TRMT44: variants seen among roughly 807,000 people sequenced by gnomAD.
The protein encoded by TRMT44 is probable tRNA (uracil-O(2)-)-methyltransferase.
TRMT44 carries 78 observed loss-of-function variants against 77.3 expected under a neutral mutation model. That is an observed-to-expected ratio of 1.01 (90% CI 0.84 to 1.22). The LOEUF (loss-of-function observed/expected upper bound fraction) is 1.22, where lower values mean the gene tolerates loss of function less well. TRMT44 is among the 50% of genes most tolerant of loss of function. The pLI is 0.00. For synonymous variants in TRMT44, 391 were observed against 383.3 expected (o/e 1.02, Z -0.23); for missense variants, 1,090 against 964.4 (o/e 1.13, Z -1.73).
downstream of TRMT44, chr4:8,477,072 G>T (rs1426105248): frequency 6.6e-6 from 1 of 152,216 alleles, no homozygotes; most frequent in Non-Finnish European, 1.5e-5. Flanking sequence ...TATTTCTATG[G>T]TTTTATACAA....
intron 10 of TRMT44, among the ~76,000 whole-genome samples, chr4:8,471,927 A>C (rs1727031728): frequency 6.6e-6 from 1 of 151,928 alleles, no homozygotes; most frequent in African/African-American, 2.4e-5. Flanking sequence ...CCAGGTGTGC[A>C]CAGAGGGGGC....
rs1426291965 is a variant in TRMT44, at chr4:8,475,979, C to T, written c.2252C>T (p.Thr751Ile). ...GPAELRPPRT[T>I]PRKKIS ...GCGGAGCTGCGGCCACCCCGGACCA[C>T]CCCGAGGAAGAAGATTTCATGAGCT... Residue 751 changes from threonine (T) to isoleucine (I), a missense_variant, in exon 11 of 11, where the codon ACC (threonine) becomes ATC (isoleucine). Physicochemically the swap from Thr to Ile is moderately conservative, Grantham distance 89. Coordinates refer to ENST00000389737, the MANE Select transcript of TRMT44 (RefSeq NM_152544.3). The T allele has an allele frequency of 1.9e-6, 3 of 1,613,952 alleles. No homozygotes were observed. The highest frequency in any genetic ancestry group is 1.7e-6 in the Non-Finnish European group (2 of 1,180,004).
chr4:8,490,215 T>G (rs897086246), intron 2 of TRMT44, among the ~76,000 whole-genome samples: 6 of 152,126 alleles, frequency 3.9e-5, no homozygotes, highest in African/African-American at 1.4e-4. Context: ...TCCTACAAGC[T>G]TTGGATGAGA....
downstream of TRMT44, among the ~76,000 whole-genome samples, chr4:8,494,315 A>T (rs1728093196): frequency 6.6e-6 from 1 of 152,194 alleles, no homozygotes; most frequent in South Asian, 2.1e-4. Flanking sequence ...TCACCCTCAC[A>T]ATGTAAATGG....
At chr4:8,455,076 A>T in intron 6 of TRMT44, 1 of 539,118 alleles carries the variant, frequency 1.9e-6, no homozygotes. Context: ...TGCCGTTTGT[A>T]TCTTGTGTGG....
chr4:8,468,410 G>A lies in TRMT44; in HGVS notation c.1927+64G>A, dbSNP rs139353905. On this transcript the variant is annotated intron_variant, in intron 9 of 10. Transcript: ENST00000389737. ...CCCAGGCTTGAGGGCAGGAATTCAC[G>A]TCTTCAGAACCGACATGAAATGGTG... 3.6e-4 allele frequency: 553 copies of A among 1,523,972 alleles called. 3 individuals carry two copies. The African/African-American group carries it at 6.7e-3, about 18-fold the overall frequency. The allele number at this position is 1,523,972 out of a possible 1,614,324, so 94.4% of individuals were successfully genotyped here.
chr4:8,501,289 G>A, the TRMT44 span, among the ~76,000 whole-genome samples: 4 of 152,196 alleles, frequency 2.6e-5, no homozygotes, highest in Admixed American at 2.6e-4. This position sits in a 1 kb window ranked among gnomAD's most constrained non-coding sequence, Gnocchi z 4.4. Flanking sequence ...ATGTGGGGCA[G>A]GAGAGACCCC....
At chr4:8,470,928 G>A (rs1726947302) in intron 9 of TRMT44, 156 bp from the exon 10 acceptor site, 2 of 594,372 alleles carry the variant, frequency 3.4e-6, no homozygotes, top group Non-Finnish European at 6.1e-6. Context: ...GTTTGGTGCG[G>A]TGTGGTGTGG....
At chr4:8,459,170 C>G (rs1235837551) in intron 6 of TRMT44, among the ~76,000 whole-genome samples, 1 of 152,210 alleles carries the variant, frequency 6.6e-6, no homozygotes, top group Non-Finnish European at 1.5e-5. Flanking sequence ...CCACTGCACA[C>G]CAGCCTGGGC....
downstream of TRMT44, among the ~76,000 whole-genome samples, chr4:8,496,906 G>T (rs1728166078): frequency 6.6e-6 from 1 of 151,926 alleles, no homozygotes; most frequent in East Asian, 1.9e-4. Context: ...AGAGGCCTTT[G>T]TGATGGGGCC....
chr4:8,500,647 A>T, the TRMT44 span, among the ~76,000 whole-genome samples: 1 of 151,184 alleles, frequency 6.6e-6, no homozygotes, highest in Non-Finnish European at 1.5e-5. Flanking sequence ...AGTGTCTGGC[A>T]GGCACTGTTT....
intron 6 of TRMT44, among the ~76,000 whole-genome samples, chr4:8,457,455 T>C (rs1207550392): frequency 6.6e-6 from 1 of 152,134 alleles, no homozygotes; most frequent in African/African-American, 2.4e-5. Flanking sequence ...CCAGAACCTC[T>C]TGAGTTAACA....
At chr4:8,442,415 A>G (rs1417213839) in intron 1 of TRMT44, among the ~76,000 whole-genome samples, 1 of 152,240 alleles carries the variant, frequency 6.6e-6, no homozygotes, top group African/African-American at 2.4e-5. Flanking sequence ...TTGACACTTC[A>G]GCCTCAGCCA....
intron 6 of TRMT44, among the ~76,000 whole-genome samples, chr4:8,462,531 C>A (rs1334163686): frequency 6.6e-6 from 1 of 152,040 alleles, no homozygotes; most frequent in Non-Finnish European, 1.5e-5. Flanking sequence ...ATGGTGAAAC[C>A]CCATCTCTAC....
chr4:8,447,230 T>C (rs924362854), intron 2 of TRMT44, among the ~76,000 whole-genome samples: 1 of 152,226 alleles, frequency 6.6e-6, no homozygotes, highest in African/African-American at 2.4e-5. Context: ...GTTCCTTCTG[T>C]AGTAAGTATT....
In TRMT44 at chr4:8,476,510, G is replaced by T. The variant is rs1727399604; in HGVS notation, c.*509G>T. On this transcript the variant is annotated 3_prime_UTR_variant, in exon 11 of 11. Coordinates refer to ENST00000389737, the MANE Select transcript of TRMT44 (RefSeq NM_152544.3). ...AAGGTGTCAGGCTTGCTATGTTGAG[G>T]TTGTTTTTAGAGTTACAGAGAATAA... 6.3e-6 allele frequency: 1 copy of T among 158,832 alleles called. No individual in the cohort carries two copies. The highest frequency in any genetic ancestry group is 1.4e-5 in the Non-Finnish European group (1 of 71,790). 9.8% of individuals were successfully genotyped at this position (158,832 alleles called of 1,614,324 possible).
At position 8,451,905 on chromosome 4, in the gene TRMT44, G is replaced by T. The variant is rs1725475707; in HGVS notation, c.955-55G>T. On this transcript the variant is annotated intron_variant, in intron 3 of 10. Coordinates refer to ENST00000389737, the MANE Select transcript of TRMT44 (RefSeq NM_152544.3). The surrounding 1 kb of genome is among the most constrained non-coding windows in gnomAD (Gnocchi z 4.1). ...CTTTATAGGGATACTTAAAGTATTG[G>T]GAAATGGTGGTGGGGAAACCGAACA... 6.9e-7 allele frequency: 1 copy of T among 1,455,504 alleles called. No homozygotes were observed. The highest frequency in any genetic ancestry group is 1.4e-5 in the African/African-American group (1 of 71,424). The allele number at this position is 1,455,504 out of a possible 1,614,324, so 90.2% of individuals were successfully genotyped here. A position where few individuals can be genotyped will look rare whatever the true frequency, so the allele number is the denominator to read the frequency against.
chr4:8,480,003 C>T (rs927973886), downstream of TRMT44, among the ~76,000 whole-genome samples: 4 of 152,092 alleles, frequency 2.6e-5, no homozygotes, highest in African/African-American at 4.8e-5. Context: ...GCCTCAGCCC[C>T]CCAAGTAGCT....
chr4:8,450,737 C>T (rs1047191075), intron 3 of TRMT44, among the ~76,000 whole-genome samples: 1 of 151,722 alleles, frequency 6.6e-6, no homozygotes, highest in African/African-American at 2.4e-5. Context: ...TACTATTCTT[C>T]CTAGTTCCCA....
Sources: gnomAD v4.1 joint callset for allele counts (sites outside exome capture counted in the v4.1 genomes callset) on GRCh38, gnomAD v4.1.1 for gene constraint, Gnocchi (gnomAD v3.1) non-coding constraint, MANE v1.5 for transcripts, NCBI Gene and HGNC (gene_info 2026-07-23, HGNC 2026-07-21) for gene names.